HKDC1: variants seen among roughly 807,000 people sequenced by gnomAD.
HKDC1 encodes hexokinase HKDC1.
Under a neutral mutation model 96.6 loss-of-function variants are expected in HKDC1, and 66 were observed. The ratio of observed to expected loss-of-function variants is 0.68; its 90% CI spans 0.56 to 0.84. The LOEUF is 0.84. Among genes scored for constraint, HKDC1 ranks in the 40% least tolerant of loss-of-function variants. The probability of loss-of-function intolerance (pLI) is 0.00; values close to 1 mark genes in which losing one functional copy is unlikely to be tolerated. For missense variants in HKDC1, 1,211 were observed against 1,208.1 expected, an observed-to-expected ratio of 1.00 and a Z score of -0.04; for synonymous variants, 466 against 473.1, an observed-to-expected ratio of 0.98 and a Z score of 0.20.
intron 2 of HKDC1, among the ~76,000 whole-genome samples, chr10:69,230,385 C>T (rs1843235494): frequency 6.6e-6 from 1 of 152,140 alleles, no homozygotes. Context: ...TTTCCTAATA[C>T]ACACTTTCCC....
intron 7 of HKDC1, among the ~76,000 whole-genome samples, chr10:69,245,354 G>T (rs1015077460): frequency 4.6e-5 from 7 of 152,058 alleles, no homozygotes; most frequent in Admixed American, 2.0e-4. Flanking sequence ...GGAGGCCAGG[G>T]CAGGAGAAAC....
chr10:69,250,284 T>A lies in HKDC1; in HGVS notation c.1571-6T>A, dbSNP rs533166944. 36 of 1,611,704 alleles carry A rather than the reference T, an allele frequency of 2.2e-5. No homozygotes were observed. The highest frequency in any genetic ancestry group is 3.4e-4 in the Middle Eastern group (2 of 5,930). The stretch of plus-strand genomic sequence containing the variant: ...TGGAATGCAGCTGCTGCTTTCTCCA[T>A]CACAGAGAAAGGAAAGTTTCTCGCC... On this transcript the variant is annotated splice_polypyrimidine_tract_variant and splice_region_variant and intron_variant, in intron 10 of 17. Transcript: ENST00000354624.
chr10:69,258,673 T>A, intron 14 of HKDC1, 103 bp from the exon 15 acceptor site: 2 of 1,173,584 alleles, frequency 1.7e-6, no homozygotes, highest in Middle Eastern at 4.0e-4. Context: ...CGCATCCAGT[T>A]GTATCTGACT....
In HKDC1 at chr10:69,257,396, G is replaced by T. The variant is rs1240083523; in HGVS notation, c.2002G>T (p.Asp668Tyr). 2 of 1,613,920 alleles carry T rather than the reference G, an allele frequency of 1.2e-6. No homozygotes were observed. Among genetic ancestry groups the T allele is most frequent in the South Asian group, 2.2e-5 (2 of 91,086 alleles). Residue 668 changes from aspartate to tyrosine, a missense_variant, in exon 14 of 18, where the codon GAT becomes TAT. By Grantham distance (160) the Asp-to-Tyr change is radical. Coordinates refer to ENST00000354624, the MANE Select transcript of HKDC1 (RefSeq NM_025130.4). ...GACCATGATGACCTGTGGCTATGAA[G>T]ATCCTAATTGTGAGATTGGCCTGAT... Reference protein sequence around the residue: ...VGTMMTCGYEDPNCEIGLIAG... With the variant: ...VGTMMTCGYEYPNCEIGLIAG...
In HKDC1 at chr10:69,247,559, G is replaced by A. The variant is rs1307705503; in HGVS notation, c.1231G>A (p.Gly411Ser). 2 of 1,614,088 alleles carry A rather than the reference G, an allele frequency of 1.2e-6. No individual in the cohort carries two copies. Among genetic ancestry groups the A allele is most frequent in the East Asian group, 4.5e-5 (2 of 44,878 alleles). ...KKVERLRTTV[G>S]MDGTLYKIHP... ...GGTGGAACGGCTCCGGACCACAGTG[G>A]GCATGGACGGCACCCTCTACAAGAT... Residue 411 changes from glycine (G) to serine (S), a missense_variant, in exon 9 of 18, where the codon GGC (glycine) becomes AGC (serine). Transcript: ENST00000354624.
intron 12 of HKDC1, among the ~76,000 whole-genome samples, chr10:69,252,755 C>T (rs1466875960): frequency 6.6e-6 from 1 of 151,756 alleles, no homozygotes; most frequent in African/African-American, 2.4e-5. Flanking sequence ...ATTGAGGTTC[C>T]AGGGAGCTAT....
chr10:69,248,316 GCCCCGCCCCGCAGGGCCCT>G, intron 9 of HKDC1, 89 bp from the exon 10 acceptor site: 1 of 1,140,344 alleles, frequency 8.8e-7, no homozygotes, highest in South Asian at 1.6e-5. Context: ...AAAGGGCTGA[GCCCCGCCCCGCAGGGCCCT>G]CCGGGACTGG....
intron 1 of HKDC1, among the ~76,000 whole-genome samples, chr10:69,221,903 C>T (rs1381306076): frequency 1.3e-5 from 2 of 150,588 alleles, no homozygotes; most frequent in East Asian, 3.9e-4. Flanking sequence ...AGAGTGAGAC[C>T]CTGTCTGAAA....
At chr10:69,223,874 T>TGCCTGG (rs1843107565) in intron 1 of HKDC1, among the ~76,000 whole-genome samples, 1 of 147,756 alleles carries the variant, frequency 6.8e-6, no homozygotes, top group African/African-American at 2.5e-5. Context: ...TGAGCCACCA[T>TGCCTGG]GCCTGGCCTC....
Position 69,261,153 on chromosome 10 carries a change from C to G in HKDC1, c.2231C>G (p.Thr744Ser). 2 of 1,613,494 alleles carry G rather than the reference C, an allele frequency of 1.2e-6. No individual in the cohort carries two copies. The highest frequency in any genetic ancestry group is 1.7e-6 in the Non-Finnish European group (2 of 1,179,526). The change falls in exon 16 of 18, where the codon ACC becomes AGC. Residue 744 changes from threonine (T) to serine (S), a missense_variant. Transcript: ENST00000354624. ...NPGKQRYEKMTSGMYLGEIVR... is the reference protein window; with the variant it reads ...NPGKQRYEKMSSGMYLGEIVR... ...TCTCCAAACAGATACGAGAAAATGA[C>G]CAGTGGGATGTACTTGGGGGAGATT... is the stretch of plus-strand genomic sequence containing the variant.
Position 69,243,373 on chromosome 10 carries a change from C to T in HKDC1, c.875+8C>T. On this transcript the variant is annotated splice_region_variant and intron_variant, in intron 7 of 17. Coordinates refer to ENST00000354624, the MANE Select transcript of HKDC1 (RefSeq NM_025130.4). Reference sequence around the variant, plus strand: ...CAACCCAGGAAAGCAACTGTGAGTTCCCTTCTGGTGTTATCTGGGCATCGG... The same window carrying T: ...CAACCCAGGAAAGCAACTGTGAGTTTCCTTCTGGTGTTATCTGGGCATCGG... 4 of 1,567,624 alleles carry T rather than the reference C, an allele frequency of 2.6e-6. No individual in the cohort carries two copies. Among genetic ancestry groups the T allele is most frequent in the Non-Finnish European group, 3.5e-6 (4 of 1,156,528 alleles).
Position 69,247,521 on chromosome 10 carries a change from G to C in HKDC1, c.1193G>C (p.Arg398Pro), listed in dbSNP as rs746771373. The change falls in exon 9 of 18, where the codon CGG (arginine) becomes CCG (proline). Residue 398 changes from arginine to proline, a missense_variant. Physicochemically the swap from Arg to Pro is moderately radical, Grantham distance 103. Transcript: ENST00000354624. ...AALAAILTRL[R>P]ENKKVERLRT... The stretch of plus-strand genomic sequence containing the variant: ...CTGGCGGCCATCCTGACACGCCTCC[G>C]GGAGAACAAGAAGGTGGAACGGCTC... 6.8e-6 allele frequency: 11 copies of C among 1,614,028 alleles called. No individual in the cohort carries two copies. The highest frequency in any genetic ancestry group is 1.7e-5 in the Admixed American group (1 of 59,998).
chr10:69,259,074 C>A, intron 15 of HKDC1, 115 bp downstream of exon 15: 1 of 794,344 alleles, frequency 1.3e-6, no homozygotes, highest in Non-Finnish European at 1.8e-6. Context: ...TGTCGAATGT[C>A]AGTGAAATAT....
intron 6 of HKDC1, among the ~76,000 whole-genome samples, chr10:69,241,186 C>G (rs1261216650): frequency 6.6e-6 from 1 of 152,098 alleles, no homozygotes; most frequent in South Asian, 2.1e-4. Flanking sequence ...AACCAGGGAG[C>G]AAGGTGGAGG....
chr10:69,249,322 C>G (rs1478774304), intron 10 of HKDC1, among the ~76,000 whole-genome samples: 1 of 152,130 alleles, frequency 6.6e-6, no homozygotes, highest in Non-Finnish European at 1.5e-5. Flanking sequence ...GCTTTTGAAC[C>G]TTTCATTTCA....
intron 10 of HKDC1, chr10:69,248,985 G>A (rs747921326): frequency 5.1e-5 from 22 of 429,654 alleles, no homozygotes; most frequent in Non-Finnish European, 9.1e-5. Context: ...TTATGTGTGT[G>A]TAGATGAGAA....
At chr10:69,263,715 G>A (rs1201361242) in intron 16 of HKDC1, among the ~76,000 whole-genome samples, 1 of 152,240 alleles carries the variant, frequency 6.6e-6, no homozygotes, top group Non-Finnish European at 1.5e-5. Flanking sequence ...CTGAGGATCA[G>A]GAAGGGAATG....
In HKDC1 at chr10:69,250,330, C is replaced by A. The variant is rs773734080; in HGVS notation, c.1611C>A (p.Asn537Lys). Reference protein sequence around the residue: ...KFLALDLGGTNFRVLLVKIRS... With the variant: ...KFLALDLGGTKFRVLLVKIRS... The stretch of plus-strand genomic sequence containing the variant: ...TCGCCCTGGATCTTGGGGGAACCAA[C>A]TTCCGGGTCCTCCTGGTGAAGATCA... Residue 537 changes from asparagine to lysine, a missense_variant, in exon 11 of 18, where the codon AAC (asparagine) becomes AAA (lysine). Transcript: ENST00000354624. 12 of 1,614,128 alleles carry A rather than the reference C, an allele frequency of 7.4e-6. No homozygotes were observed. Among genetic ancestry groups the A allele is most frequent in the Non-Finnish European group, 1.0e-5 (12 of 1,179,966 alleles).
intron 2 of HKDC1, among the ~76,000 whole-genome samples, chr10:69,230,984 T>C (rs965555730): frequency 2.2e-4 from 33 of 152,276 alleles, no homozygotes; most frequent in African/African-American, 7.2e-4. Context: ...CCTGGGCAAG[T>C]CCTCCCTCTC....
Sources: gnomAD v4.1 joint callset for allele counts (sites outside exome capture counted in the v4.1 genomes callset) on GRCh38, gnomAD v4.1.1 for gene constraint, MANE v1.5 for transcripts, NCBI Gene and HGNC (gene_info 2026-07-23, HGNC 2026-07-21) for gene names.